The following PTPRN2 variants were observed in gnomAD, a reference collection of about 807,000 sequenced individuals.
PTPRN2 encodes the protein receptor-type tyrosine-protein phosphatase N2.
A neutral mutation model predicts 118.8 loss-of-function variants in PTPRN2; 74 were observed. The observed-to-expected ratio is 0.62, with a 90% CI of 0.52 to 0.76. The LOEUF is 0.76. Ranked by LOEUF, PTPRN2 falls within the 30% of genes least tolerant of loss-of-function variation. The probability of loss-of-function intolerance (pLI) is 0.00; values close to 1 mark genes in which losing one functional copy is unlikely to be tolerated. For missense variants in PTPRN2, 1,481 were observed against 1,394.4 expected (o/e 1.06, Z -0.99); for synonymous variants, 641 against 608.0 (o/e 1.05, Z -0.80).
rs569154842 is a variant in PTPRN2 at position 157,900,628 on chromosome 7, C to T, written c.1724-1891G>A. 1.7e-3 allele frequency among the ~76,000 whole-genome samples: 263 copies of T among 152,326 alleles called. 1 individual carries two copies. The highest frequency in any genetic ancestry group is 3.3e-3 in the Non-Finnish European group (225 of 68,028). On this transcript the variant is annotated intron_variant, in intron 11 of 22. Transcript: ENST00000389418. Reference sequence around the variant, plus strand: ...TCAGCACATTTCAGGCATTCTCCGTCCCCTGCCAGGATGCTCTGAGCTCCT... The same window carrying T: ...TCAGCACATTTCAGGCATTCTCCGTTCCCTGCCAGGATGCTCTGAGCTCCT...
chr7:158,456,613 C>T (rs182233834), intron 2 of PTPRN2, among the ~76,000 whole-genome samples: 32 of 150,986 alleles, frequency 2.1e-4, no homozygotes, highest in African/African-American at 4.9e-4. Flanking sequence ...ACGGCACGGA[C>T]GCCATCGGCC....
chr7:157,878,499 C>T (rs1399979160), intron 12 of PTPRN2, among the ~76,000 whole-genome samples: 7 of 148,088 alleles, frequency 4.7e-5, no homozygotes, highest in African/African-American at 7.6e-5. Context: ...CGTGCACCCA[C>T]GCTTACTCAC....
intron 3 of PTPRN2, among the ~76,000 whole-genome samples, chr7:158,211,476 T>C (rs1827597144): frequency 6.6e-6 from 1 of 152,210 alleles, no homozygotes; most frequent in African/African-American, 2.4e-5. Context: ...AAGGGATTAA[T>C]AACCAGAATG....
At chr7:157,836,192 C>G (rs539379596) in intron 12 of PTPRN2, among the ~76,000 whole-genome samples, 57 of 152,312 alleles carry the variant, frequency 3.7e-4, no homozygotes, top group African/African-American at 1.2e-3. Flanking sequence ...AAGATGCTAT[C>G]GTTTGCCCTA....
At position 158,336,725 on chromosome 7, in the gene PTPRN2, G is replaced by A. The variant is rs991726184; in HGVS notation, c.164-19793C>T. Among the ~76,000 whole-genome samples the A allele has an allele frequency of 6.0e-3, 538 of 90,158 alleles. 2 individuals are homozygous for A. The highest frequency in any genetic ancestry group is 0.022 in the African/African-American group (516 of 23,402). 59.1% of individuals were successfully genotyped at this position (90,158 alleles called of 152,430 possible). ...ACTCACACCCACACTCTCACCAAAAGAGCTGACGCCCGCAGACGTCACTCA... is the reference window on the plus strand; with the variant it reads ...ACTCACACCCACACTCTCACCAAAAAAGCTGACGCCCGCAGACGTCACTCA... On this transcript the variant is annotated intron_variant, in intron 2 of 22. Transcript: ENST00000389418.
At chr7:157,814,843 T>G (rs1407395787) in intron 12 of PTPRN2, among the ~76,000 whole-genome samples, 2 of 152,194 alleles carry the variant, frequency 1.3e-5, no homozygotes, top group Non-Finnish European at 2.9e-5. Context: ...GGCAGCCTGT[T>G]TCAGGTGTCC....
At chr7:158,285,518 G>A (rs1398078742) in intron 3 of PTPRN2, among the ~76,000 whole-genome samples, 2 of 152,190 alleles carry the variant, frequency 1.3e-5, no homozygotes, top group African/African-American at 2.4e-5. Context: ...CGGGCCCCAG[G>A]AGGCTGGACC....
In PTPRN2 at chr7:158,070,949, C is replaced by T. The variant is rs144754607; in HGVS notation, c.1723+10349G>A. On this transcript the variant is annotated intron_variant, in intron 11 of 22. Coordinates refer to ENST00000389418, the MANE Select transcript of PTPRN2 (RefSeq NM_002847.5). Reference sequence around the variant, plus strand: ...AGGTGCTCCTGGTGGTGGAGGTGCCCGTGGTGGTGGAGGTGCTCACGGTGG... The same window carrying T: ...AGGTGCTCCTGGTGGTGGAGGTGCCTGTGGTGGTGGAGGTGCTCACGGTGG... 5.6e-3 allele frequency among the ~76,000 whole-genome samples: 284 copies of T among 50,896 alleles called. 1 individual carries two copies. Among genetic ancestry groups the T allele is most frequent in the Non-Finnish European group, 6.2e-3 (179 of 28,658 alleles). 33.4% of individuals were successfully genotyped at this position (50,896 alleles called of 152,430 possible).
chr7:157,843,913 G>A (rs979142211), intron 12 of PTPRN2, among the ~76,000 whole-genome samples: 5 of 152,184 alleles, frequency 3.3e-5, no homozygotes, highest in African/African-American at 9.7e-5. Context: ...GCTCCACATT[G>A]GGGTCCTTTC....
chr7:157,816,079 A>G (rs1806378283), intron 12 of PTPRN2, among the ~76,000 whole-genome samples: 1 of 152,156 alleles, frequency 6.6e-6, no homozygotes, highest in Admixed American at 6.5e-5. Flanking sequence ...CTCCCCTCAT[A>G]TATACAAATA....
chr7:158,079,782 A>G (rs1812655476), intron 11 of PTPRN2, among the ~76,000 whole-genome samples: 1 of 152,178 alleles, frequency 6.6e-6, no homozygotes, highest in South Asian at 2.1e-4. Flanking sequence ...GGGACCCCCC[A>G]TTCCTCTTGC....
At chr7:158,330,633 T>A (rs200157074) in intron 2 of PTPRN2, among the ~76,000 whole-genome samples, 1 of 22,214 alleles carries the variant, frequency 4.5e-5, no homozygotes, top group Non-Finnish European at 8.8e-5. Flanking sequence ...AGAGGTGACA[T>A]CTGCAGACGT....
intron 2 of PTPRN2, among the ~76,000 whole-genome samples, chr7:158,388,649 G>C (rs1043080259): frequency 2.0e-5 from 3 of 152,278 alleles, no homozygotes; most frequent in Non-Finnish European, 4.4e-5. Context: ...ACGTACATAG[G>C]CATGATGGAT....
At chr7:157,759,871 G>A (rs939162693) in intron 12 of PTPRN2, among the ~76,000 whole-genome samples, 2 of 152,292 alleles carry the variant, frequency 1.3e-5, no homozygotes, top group Admixed American at 6.5e-5. Context: ...CTCTTGGGGA[G>A]GAGCTGGATG....
intron 12 of PTPRN2, among the ~76,000 whole-genome samples, chr7:157,793,913 C>T (rs1804685564): frequency 6.6e-6 from 1 of 152,166 alleles, no homozygotes; most frequent in South Asian, 2.1e-4. Flanking sequence ...CCTCCCTCGG[C>T]CCCCTCTCTG....
intron 12 of PTPRN2, among the ~76,000 whole-genome samples, chr7:157,781,663 A>G (rs1356937194): frequency 6.6e-6 from 1 of 152,218 alleles, no homozygotes. Context: ...CTGACTGAGG[A>G]CAAGCTGACC....
At chr7:158,065,620 C>T (rs575883375) in intron 11 of PTPRN2, among the ~76,000 whole-genome samples, 116 of 152,296 alleles carry the variant, frequency 7.6e-4, no homozygotes, top group African/African-American at 2.6e-3. Flanking sequence ...ACGGCCCCCA[C>T]GGGTCAGACC....
intron 3 of PTPRN2, among the ~76,000 whole-genome samples, chr7:158,239,478 C>T (rs1162969916): frequency 6.6e-6 from 1 of 152,174 alleles, no homozygotes; most frequent in Non-Finnish European, 1.5e-5. Flanking sequence ...ATTCAAAGTC[C>T]CCTGGCCGTC....
chr7:158,346,743 C>G (rs1807542081), intron 2 of PTPRN2, among the ~76,000 whole-genome samples: 1 of 152,196 alleles, frequency 6.6e-6, no homozygotes. Context: ...CAAGATTTCC[C>G]TTTTCACCAC....
Sources: allele counts gnomAD v4.1 joint callset (sites outside exome capture counted in the v4.1 genomes callset), GRCh38; gene constraint gnomAD v4.1.1; transcripts MANE v1.5; gene names NCBI Gene and HGNC (gene_info 2026-07-23, HGNC 2026-07-21).